Variants in SHROOM3 observed in about 807,000 individuals in gnomAD.
SHROOM3 encodes protein Shroom3.
Under a neutral mutation model 138.6 loss-of-function variants are expected in SHROOM3, and 47 were observed. The ratio of observed to expected loss-of-function variants is 0.34; its 90% CI spans 0.27 to 0.43. The LOEUF is 0.43. Ranked by LOEUF, SHROOM3 falls within the 20% of genes least tolerant of loss-of-function variation. SHROOM3 has a pLI of 1.00. For missense variants in SHROOM3, 2,491 were observed against 2,596.5 expected, an observed-to-expected ratio of 0.96 and a Z score of 0.88; for synonymous variants, 1,062 against 1,063.3, an observed-to-expected ratio of 1.00 and a Z score of 0.02.
intron 3 of SHROOM3, among the ~76,000 whole-genome samples, chr4:76,729,019 T>C (rs775789750): frequency 8.5e-5 from 13 of 152,188 alleles, no homozygotes; most frequent in Non-Finnish European, 1.6e-4. Context: ...CTACCCTGTC[T>C]ACTATTCATC....
At chr4:76,636,965 G>A (rs1735514998) in intron 2 of SHROOM3, among the ~76,000 whole-genome samples, 1 of 152,166 alleles carries the variant, frequency 6.6e-6, no homozygotes, top group South Asian at 2.1e-4. Flanking sequence ...TTATTTAGAA[G>A]TTTGGTGATG....
intron 2 of SHROOM3, among the ~76,000 whole-genome samples, chr4:76,676,330 A>G (rs1719025751): frequency 6.6e-6 from 1 of 152,204 alleles, no homozygotes; most frequent in South Asian, 2.1e-4. Flanking sequence ...GAATTCAACC[A>G]TACCTGTGTG....
chr4:76,762,310 T>G (rs1722012651), intron 9 of SHROOM3, among the ~76,000 whole-genome samples: 1 of 152,244 alleles, frequency 6.6e-6, no homozygotes, highest in South Asian at 2.1e-4. Flanking sequence ...CATGTAAGTA[T>G]GCAAATGTTG....
intron 5 of SHROOM3, among the ~76,000 whole-genome samples, chr4:76,743,549 CA>C (rs1485966441): frequency 1.3e-5 from 2 of 152,208 alleles, no homozygotes; most frequent in Non-Finnish European, 2.9e-5. Context: ...CTTCCTCAGC[CA>C]GCTTGAAATC....
chr4:76,477,215 C>T (rs57661457), intron 1 of SHROOM3, among the ~76,000 whole-genome samples: 19,183 of 152,134 alleles, frequency 0.13, 1,377 homozygotes, highest in Middle Eastern at 0.22. Context: ...GATCCACCCC[C>T]CACTCGGCCT....
intron 2 of SHROOM3, among the ~76,000 whole-genome samples, chr4:76,609,284 A>ATGTT (rs1057330125): frequency 1.8e-4 from 27 of 152,156 alleles, no homozygotes; most frequent in South Asian, 1.5e-3. Context: ...CTGTTTTGGT[A>ATGTT]TGTTTGTTTG....
intron 2 of SHROOM3, chr4:76,559,475 A>G (rs1733555905): frequency 6.6e-6 from 1 of 151,986 alleles, no homozygotes. Flanking sequence ...CTTTTTTTCT[A>G]TGTGATCTCT....
chr4:76,476,303 T>G (rs969475146), intron 1 of SHROOM3, among the ~76,000 whole-genome samples: 1 of 152,240 alleles, frequency 6.6e-6, no homozygotes, highest in Non-Finnish European at 1.5e-5. Flanking sequence ...AGAGATGATC[T>G]CTATGCTTTT....
At chr4:76,567,520 A>G (rs1345481345) in intron 2 of SHROOM3, among the ~76,000 whole-genome samples, 3 of 152,086 alleles carry the variant, frequency 2.0e-5, no homozygotes, top group South Asian at 2.1e-4. Context: ...CGTCGTGGTG[A>G]GCGCCTGTAG....
At chr4:76,460,827 C>CAA (rs58793404) in intron 1 of SHROOM3, among the ~76,000 whole-genome samples, 9 of 78,768 alleles carry the variant, frequency 1.1e-4, no homozygotes, top group Non-Finnish European at 2.0e-4. Context: ...CCCGTATCTA[C>CAA]AAAAAAAAAA....
rs765701240 is a variant in SHROOM3, at chr4:76,702,399, C to T, written c.324-7757C>T. Reference sequence around the variant, plus strand: ...CCAGTAAATGTAAGTTTCAGTTCTACGGGTAAAAATTTAATAATTATTGCC... The same window carrying T: ...CCAGTAAATGTAAGTTTCAGTTCTATGGGTAAAAATTTAATAATTATTGCC... On this transcript the variant is annotated intron_variant, in intron 2 of 10. Transcript: ENST00000296043. Among the ~76,000 whole-genome samples, 12 of 152,262 alleles carry T rather than the reference C, an allele frequency of 7.9e-5. No individual in the cohort carries two copies. In the East Asian group the frequency reaches 9.6e-4, roughly 12 times the overall value.
At chr4:76,627,753 G>A (rs1450123331) in intron 2 of SHROOM3, among the ~76,000 whole-genome samples, 2 of 151,432 alleles carry the variant, frequency 1.3e-5, no homozygotes, top group Admixed American at 1.3e-4. Context: ...ATGCACTGCA[G>A]CCTTGAACTC....
At chr4:76,438,522 T>C (rs11097355) in intron 1 of SHROOM3, among the ~76,000 whole-genome samples, 26,130 of 152,082 alleles carry the variant, frequency 0.17, 2,313 homozygotes, top group South Asian at 0.23. Context: ...CCAAGAGTCG[T>C]ACTGTTCCGA....
intron 2 of SHROOM3, among the ~76,000 whole-genome samples, chr4:76,599,685 T>G (rs536019754): frequency 6.6e-6 from 1 of 152,288 alleles, no homozygotes; most frequent in East Asian, 1.9e-4. Context: ...ATCTGTCACT[T>G]TGGGCAGAAT....
chr4:76,668,973 T>C (rs1312256895), intron 2 of SHROOM3, among the ~76,000 whole-genome samples: 1 of 152,186 alleles, frequency 6.6e-6, no homozygotes, highest in Non-Finnish European at 1.5e-5. Context: ...AACTGGCATA[T>C]GTGCACAAGC....
chr4:76,437,124 G>A (rs1013406151), intron 1 of SHROOM3, among the ~76,000 whole-genome samples: 2 of 152,250 alleles, frequency 1.3e-5, no homozygotes, highest in African/African-American at 4.8e-5. Context: ...ATTCCAAAAG[G>A]TTATTTTTCA....
intron 1 of SHROOM3, among the ~76,000 whole-genome samples, chr4:76,444,665 T>C (rs1384422849): frequency 6.6e-6 from 1 of 151,430 alleles, no homozygotes; most frequent in Non-Finnish European, 1.5e-5. Flanking sequence ...CTGGCTAATT[T>C]TTGTATTTTT....
intron 1 of SHROOM3, among the ~76,000 whole-genome samples, chr4:76,493,786 C>G (rs983302994): frequency 2.6e-5 from 4 of 152,180 alleles, no homozygotes; most frequent in Non-Finnish European, 4.4e-5. Flanking sequence ...CGAGACCAGC[C>G]TGGCCAACAT....
rs1730764659 is a variant in SHROOM3, at chr4:76,444,496, T to C, written c.168+8276T>C. Among the ~76,000 whole-genome samples the C allele has an allele frequency of 2.3e-5, 3 of 130,226 alleles. 1 individual carries two copies. The highest frequency in any genetic ancestry group is 4.9e-5 in the Non-Finnish European group (3 of 61,186). 85.4% of individuals were successfully genotyped at this position (130,226 alleles called of 152,430 possible). On this transcript the variant is annotated intron_variant, in intron 1 of 10. Transcript: ENST00000296043. ...TCTCTCTTTCTTTCTTTTTTTTTTT[T>C]TTTTTTTTTTTTTTTGAGACGGAGT...
Sources: allele counts gnomAD v4.1 joint callset (sites outside exome capture counted in the v4.1 genomes callset), GRCh38; gene constraint gnomAD v4.1.1; transcripts MANE v1.5; gene names NCBI Gene and HGNC (gene_info 2026-07-23, HGNC 2026-07-21).